CCNG2: variants seen among roughly 807,000 people sequenced by gnomAD.
The protein encoded by CCNG2 is cyclin-G2.
In CCNG2, 20 loss-of-function variants were observed where a neutral mutation model predicts 36.5. The observed-to-expected ratio is 0.55, with a 90% CI of 0.39 to 0.80. The LOEUF (loss-of-function observed/expected upper bound fraction) is 0.80. Among genes scored for constraint, CCNG2 ranks in the 30% least tolerant of loss-of-function variants. CCNG2 has a pLI of 0.00. For missense variants in CCNG2, 358 were observed against 390.8 expected, an observed-to-expected ratio of 0.92 and a Z score of 0.71; for synonymous variants, 155 against 140.1, an observed-to-expected ratio of 1.11 and a Z score of -0.75.
rs1216591484 is a variant in CCNG2 at position 77,169,329 on chromosome 4, A to AT, written c.*3409dup. ...ATTCATATATGGACAAGGACAAGGT[A>AT]TTTTGCATTTGTTACTGGAATTCAG... On this transcript the variant is annotated 3_prime_UTR_variant, in exon 8 of 8. Coordinates refer to ENST00000316355, the MANE Select transcript of CCNG2 (RefSeq NM_004354.3). 1 of 152,202 alleles carries AT rather than the reference A, an allele frequency of 6.6e-6. No homozygotes were observed. 9.4% of individuals were successfully genotyped at this position (152,202 alleles called of 1,614,324 possible).
rs541522203 is a variant in CCNG2 at position 77,165,846 on chromosome 4, C to G, written c.957C>G (p.Ser319Arg). Residue 319 changes from serine (S) to arginine (R), a missense_variant, in exon 8 of 8, where the codon AGC becomes AGG. Transcript: ENST00000316355. ...EDMSCGEESL[S>R]SSPPSDQECT... is the part of the protein sequence containing the mutation. ...TGAGTTGTGGAGAGGAGAGTCTCAG[C>G]AGCTCTCCTCCCAGTGATCAAGAGT... 1 of 1,608,478 alleles carries G rather than the reference C, an allele frequency of 6.2e-7. No individual in the cohort carries two copies. Among genetic ancestry groups the G allele is most frequent in the Non-Finnish European group, 8.5e-7 (1 of 1,176,580 alleles).
Position 77,160,708 on chromosome 4 carries a change from GT to G in CCNG2, c.277-6del. ...TGACAGTTGTTAAAAGAAGCCTCTT[GT>G]TTTTTTCTCAGGTGAAACCTAAACA... On this transcript the variant is annotated splice_polypyrimidine_tract_variant and intron_variant, in intron 3 of 7. Coordinates refer to ENST00000316355, the MANE Select transcript of CCNG2 (RefSeq NM_004354.3). The G allele has an allele frequency of 7.5e-6, 12 of 1,604,516 alleles. No individual in the cohort carries two copies. The highest frequency in any genetic ancestry group is 1.0e-5 in the Non-Finnish European group (12 of 1,176,352).
intron 7 of CCNG2, 30 bp downstream of exon 7, chr4:77,164,509 C>G: frequency 1.3e-6 from 2 of 1,509,340 alleles, no homozygotes; most frequent in Non-Finnish European, 1.8e-6. Context: ...AATTAAACTT[C>G]CCTAGACTAA....
Position 77,167,762 on chromosome 4 carries a change from T to C in CCNG2, c.*1838T>C, listed in dbSNP as rs1470695539. The C allele has an allele frequency of 2.0e-5, 3 of 152,060 alleles. No individual in the cohort carries two copies. The highest frequency in any genetic ancestry group is 4.4e-5 in the Non-Finnish European group (3 of 67,946). The allele number at this position is 152,060 out of a possible 1,614,324, so 9.4% of individuals were successfully genotyped here. On this transcript the variant is annotated 3_prime_UTR_variant, in exon 8 of 8. Transcript: ENST00000316355. ...TCAGGTACACTGAATATGGTTTTCATGTAACACCTCTTCTCTGGAGATAGG... is the reference window on the plus strand; with the variant it reads ...TCAGGTACACTGAATATGGTTTTCACGTAACACCTCTTCTCTGGAGATAGG...
In CCNG2 at chr4:77,167,109, C is replaced by T. The variant is rs977252057; in HGVS notation, c.*1185C>T. On this transcript the variant is annotated 3_prime_UTR_variant, in exon 8 of 8. Transcript: ENST00000316355. ...GTATAAATCATACATTGATGACTTACATTTTTACTGGTAAGTCAACATCCG... is the reference window on the plus strand; with the variant it reads ...GTATAAATCATACATTGATGACTTATATTTTTACTGGTAAGTCAACATCCG... The T allele has an allele frequency of 6.6e-6, 1 of 152,170 alleles. No individual in the cohort carries two copies. The highest frequency in any genetic ancestry group is 1.5e-5 in the Non-Finnish European group (1 of 68,024). 9.4% of individuals were successfully genotyped at this position (152,170 alleles called of 1,614,324 possible). A position where few individuals can be genotyped will look rare whatever the true frequency, so the allele number is the denominator to read the frequency against.
At chr4:77,159,855 C>T (rs1731380474) in intron 3 of CCNG2, among the ~76,000 whole-genome samples, 1 of 152,174 alleles carries the variant, frequency 6.6e-6, no homozygotes, top group Non-Finnish European at 1.5e-5. Flanking sequence ...AATACTGAAG[C>T]ATGACAAATG....
At position 77,168,200 on chromosome 4, in the gene CCNG2, T is replaced by C. The variant is rs1453356849; in HGVS notation, c.*2276T>C. 2 of 152,248 alleles carry C rather than the reference T, an allele frequency of 1.3e-5. No individual in the cohort carries two copies. Among genetic ancestry groups the C allele is most frequent in the Non-Finnish European group, 2.9e-5 (2 of 68,044 alleles). The allele number at this position is 152,248 out of a possible 1,614,324, so 9.4% of individuals were successfully genotyped here. A position where few individuals can be genotyped will look rare whatever the true frequency, so the allele number is the denominator to read the frequency against. On this transcript the variant is annotated 3_prime_UTR_variant, in exon 8 of 8. Transcript: ENST00000316355. Reference sequence around the variant, plus strand: ...ATTCATGTTGGAAACTTAGGTGATATGCTCATCTCCTTTTGCCTGTTTATG... The same window carrying C: ...ATTCATGTTGGAAACTTAGGTGATACGCTCATCTCCTTTTGCCTGTTTATG...
chr4:77,160,804 A>G lies in CCNG2; in HGVS notation c.360A>G (p.Pro120=), dbSNP rs1003416364. 3.7e-6 allele frequency: 6 copies of G among 1,613,942 alleles called. No individual in the cohort carries two copies. The highest frequency in any genetic ancestry group is 5.1e-6 in the Non-Finnish European group (6 of 1,179,868). Residue 120 remains proline (P), a synonymous_variant, in exon 4 of 8, where the codon CCA becomes CCG. Coordinates refer to ENST00000316355, the MANE Select transcript of CCNG2 (RefSeq NM_004354.3). ...ARIVEEDCNI[P]STHDVIRISQ... Reference sequence around the variant, plus strand: ...TAGTTGAAGAAGACTGCAATATTCCATCCACTCATGATGTGATCCGGATTA... The same window carrying G: ...TAGTTGAAGAAGACTGCAATATTCCGTCCACTCATGATGTGATCCGGATTA...
At chr4:77,161,945 T>C (rs971367274) in intron 6 of CCNG2, among the ~76,000 whole-genome samples, 198 bp downstream of exon 6, 4 of 152,218 alleles carry the variant, frequency 2.6e-5, no homozygotes, top group African/African-American at 9.6e-5. Flanking sequence ...CCTGGTCACT[T>C]AGCTCAGCTT....
At chr4:77,162,680 G>A (rs1292196926) in intron 6 of CCNG2, among the ~76,000 whole-genome samples, 1 of 152,002 alleles carries the variant, frequency 6.6e-6, no homozygotes, top group Non-Finnish European at 1.5e-5. Flanking sequence ...CACTGTGCCC[G>A]GCTTACTTTG....
rs770136548 is a variant in CCNG2 at position 77,160,780 on chromosome 4, A to G, written c.336A>G (p.Ile112Met). Residue 112 changes from isoleucine (I) to methionine (M), a missense_variant, in exon 4 of 8, where the codon ATA becomes ATG. Ile to Met is a conservative substitution (Grantham distance 10, BLOSUM62 1). Transcript: ENST00000316355. Reference protein sequence around the residue: ...GVCSFLLAARIVEEDCNIPST... With the variant: ...GVCSFLLAARMVEEDCNIPST... ...GTTCTTTTTTGCTGGCTGCTAGAAT[A>G]GTTGAAGAAGACTGCAATATTCCAT... The G allele has an allele frequency of 3.7e-6, 6 of 1,614,030 alleles. No homozygotes were observed. The highest frequency in any genetic ancestry group is 5.1e-6 in the Non-Finnish European group (6 of 1,179,926).
rs1467761136 is a variant in CCNG2, at chr4:77,167,633, CAGGTGGTTTTGCAAG to C, written c.*1710_*1724del. The C allele has an allele frequency of 6.6e-6, 1 of 152,170 alleles. No individual in the cohort carries two copies. Among genetic ancestry groups the C allele is most frequent in the Non-Finnish European group, 1.5e-5 (1 of 68,034 alleles). 9.4% of individuals were successfully genotyped at this position (152,170 alleles called of 1,614,324 possible). ...TGGCTCTTGTGGACCTCAAAAGTAT[CAGGTGGTTTTGCAAG>C]TGGTGGTCCTTTCCCCTGCCCCACC... On this transcript the variant is annotated 3_prime_UTR_variant, in exon 8 of 8. Coordinates refer to ENST00000316355, the MANE Select transcript of CCNG2 (RefSeq NM_004354.3).
intron 7 of CCNG2, among the ~76,000 whole-genome samples, chr4:77,165,432 C>CCT (rs1560424440): frequency 6.9e-6 from 1 of 145,742 alleles, no homozygotes; most frequent in Non-Finnish European, 1.5e-5. Context: ...TTCTTTCTTT[C>CCT]TTTTTTTTTT....
intron 2 of CCNG2, 115 bp from the exon 3 acceptor site, chr4:77,159,252 G>T: frequency 1.1e-6 from 1 of 888,546 alleles, no homozygotes. Flanking sequence ...GAAGATTGAG[G>T]GAAAAAAATT....
chr4:77,162,041 A>G (rs1047818553), intron 6 of CCNG2, among the ~76,000 whole-genome samples: 6 of 152,182 alleles, frequency 3.9e-5, no homozygotes, highest in Admixed American at 2.0e-4. Flanking sequence ...TTGTTCTGAA[A>G]TGCATACTAG....
At chr4:77,159,236 ATTC>A in intron 2 of CCNG2, 128 bp from the exon 3 acceptor site, 1 of 725,186 alleles carries the variant, frequency 1.4e-6, no homozygotes, top group South Asian at 1.9e-5. Context: ...TTCCACCTAT[ATTC>A]TTGAAGATTG....
At chr4:77,162,475 C>T (rs776626368) in intron 6 of CCNG2, among the ~76,000 whole-genome samples, 1 of 147,896 alleles carries the variant, frequency 6.8e-6, no homozygotes, top group Non-Finnish European at 1.5e-5. Context: ...CTCAGCCTCT[C>T]GGGTTCAAGT....
chr4:77,162,584 T>C (rs1283916363), intron 6 of CCNG2, among the ~76,000 whole-genome samples: 1 of 152,052 alleles, frequency 6.6e-6, no homozygotes, highest in Non-Finnish European at 1.5e-5. Context: ...GGTTTCGCCA[T>C]GTTGGCCAGG....
At chr4:77,164,120 T>C (rs971228139) in intron 6 of CCNG2, among the ~76,000 whole-genome samples, 154 bp from the exon 7 acceptor site, 6 of 152,168 alleles carry the variant, frequency 3.9e-5, no homozygotes, top group Admixed American at 6.5e-5. Context: ...CATGTTGCAC[T>C]CATTGTCAAT....
Sources: allele counts gnomAD v4.1 joint callset (sites outside exome capture counted in the v4.1 genomes callset), GRCh38; gene constraint gnomAD v4.1.1; transcripts MANE v1.5; gene names NCBI Gene and HGNC (gene_info 2026-07-23, HGNC 2026-07-21).